Variants in GRIK3 observed in about 807,000 individuals in gnomAD.
GRIK3 encodes glutamate receptor ionotropic, kainate 3.
In GRIK3, 29 loss-of-function variants were observed where a neutral mutation model predicts 102.5. The ratio of observed to expected loss-of-function variants is 0.28; its 90% CI spans 0.21 to 0.39. GRIK3 has a LOEUF of 0.39. Among genes scored for constraint, GRIK3 ranks in the 10% least tolerant of loss-of-function variants. GRIK3 has a pLI of 1.00. For missense variants in GRIK3, 908 were observed against 1,252.4 expected (o/e 0.73, Z 4.15); for synonymous variants, 511 against 504.9 (o/e 1.01, Z -0.16).
chr1:36,975,993 AGGATTTGCTTT>A (rs1642192148), intron 1 of GRIK3, among the ~76,000 whole-genome samples: 1 of 152,270 alleles, frequency 6.6e-6, no homozygotes, highest in African/African-American at 2.4e-5. Flanking sequence ...AAAAGTGAAC[AGGATTTGCTTT>A]AACAGCAAAG....
intron 1 of GRIK3, among the ~76,000 whole-genome samples, chr1:36,956,783 A>G (rs1641917117): frequency 6.6e-6 from 1 of 152,236 alleles, no homozygotes; most frequent in African/African-American, 2.4e-5. Flanking sequence ...GGATGAACAC[A>G]TGGTACTTAC....
intron 5 of GRIK3, among the ~76,000 whole-genome samples, chr1:36,864,726 A>G (rs772852274): frequency 1.5e-4 from 23 of 152,164 alleles, no homozygotes; most frequent in Non-Finnish European, 2.4e-4. Flanking sequence ...GTAACCCCTG[A>G]GCCTGGGCTT....
At chr1:36,828,389 T>C (rs1642779250) in intron 10 of GRIK3, among the ~76,000 whole-genome samples, 1 of 152,212 alleles carries the variant, frequency 6.6e-6, no homozygotes, top group Admixed American at 6.5e-5. Flanking sequence ...TATTCAATAG[T>C]GGTCCCATAA....
chr1:36,927,873 G>A lies in GRIK3; in HGVS notation c.116-36777C>T, dbSNP rs115748482. On this transcript the variant is annotated intron_variant, in intron 1 of 15. Transcript: ENST00000373091. ...AGATAATTGGAGACCCGGAGCCCCG[G>A]CTTGCCCTGTGGTTCCTGATTTCAC... Among the ~76,000 whole-genome samples the A allele has an allele frequency of 4.8e-3, 726 of 152,192 alleles. 6 individuals carry two copies. The highest frequency in any genetic ancestry group is 0.017 in the African/African-American group (691 of 41,514).
rs917011052 is a variant in GRIK3 at position 36,819,346 on chromosome 1, T to A, written c.1873+390A>T. ...GCAGTGGCCTCCCACCCAGACTCCCTGCCTCTGGTCTCCTTCCATCCACAG... is the reference window on the plus strand; with the variant it reads ...GCAGTGGCCTCCCACCCAGACTCCCAGCCTCTGGTCTCCTTCCATCCACAG... On this transcript the variant is annotated intron_variant, in intron 12 of 15. Transcript: ENST00000373091. This position sits in a 1 kb window ranked among gnomAD's most constrained non-coding sequence, Gnocchi z 4.1. Among the ~76,000 whole-genome samples the A allele has an allele frequency of 2.0e-5, 3 of 152,150 alleles. No homozygotes were observed. Among genetic ancestry groups the A allele is most frequent in the African/African-American group, 7.2e-5 (3 of 41,452 alleles).
At chr1:37,030,753 G>A (rs974456408) in intron 1 of GRIK3, among the ~76,000 whole-genome samples, 3 of 151,992 alleles carry the variant, frequency 2.0e-5, no homozygotes, top group African/African-American at 2.4e-5. Context: ...ATAACATGAG[G>A]AGAGAACTAA....
At chr1:37,030,302 C>T (rs760245507) in intron 1 of GRIK3, among the ~76,000 whole-genome samples, 8 of 152,170 alleles carry the variant, frequency 5.3e-5, no homozygotes, top group Non-Finnish European at 7.3e-5. Context: ...TTATACACAG[C>T]GGCTCCCAAA....
At chr1:36,932,140 C>A (rs1001084127) in intron 1 of GRIK3, among the ~76,000 whole-genome samples, 1 of 152,142 alleles carries the variant, frequency 6.6e-6, no homozygotes, top group East Asian at 1.9e-4. Flanking sequence ...TTTCTCCTTC[C>A]TTCTCTAGGG....
At chr1:36,972,856 G>T (rs151241339) in intron 1 of GRIK3, among the ~76,000 whole-genome samples, 3 of 152,180 alleles carry the variant, frequency 2.0e-5, no homozygotes, top group African/African-American at 7.2e-5. Flanking sequence ...TAGACTAGGG[G>T]CCAAAGGATG....
At chr1:36,813,027 A>G (rs1450986043) in intron 13 of GRIK3, among the ~76,000 whole-genome samples, 1 of 152,242 alleles carries the variant, frequency 6.6e-6, no homozygotes, top group Non-Finnish European at 1.5e-5. Flanking sequence ...GTATGTGGTC[A>G]ACTGACTGTG....
At chr1:36,811,820 C>G (rs1364668633) in intron 13 of GRIK3, among the ~76,000 whole-genome samples, 1 of 152,190 alleles carries the variant, frequency 6.6e-6, no homozygotes, top group African/African-American at 2.4e-5. Flanking sequence ...TACAGGAGCT[C>G]ACCGAACCCT....
chr1:36,920,185 C>A (rs778160103), intron 1 of GRIK3, among the ~76,000 whole-genome samples: 1 of 152,228 alleles, frequency 6.6e-6, no homozygotes, highest in Non-Finnish European at 1.5e-5. Context: ...TCTAATGCCT[C>A]TTCTCTAGAG....
chr1:36,898,244 T>C (rs1479250596), intron 1 of GRIK3, among the ~76,000 whole-genome samples: 1 of 152,128 alleles, frequency 6.6e-6, no homozygotes, highest in Non-Finnish European at 1.5e-5. Flanking sequence ...CTATAATCAA[T>C]AATAATTTAA....
intron 10 of GRIK3, among the ~76,000 whole-genome samples, chr1:36,836,781 C>T (rs565426971): frequency 2.6e-5 from 4 of 152,146 alleles, no homozygotes; most frequent in South Asian, 2.1e-4. Context: ...TATGCATCCC[C>T]GTTAGCCTCC....
intron 1 of GRIK3, among the ~76,000 whole-genome samples, chr1:36,954,594 G>T (rs1641882263): frequency 6.6e-6 from 1 of 152,192 alleles, no homozygotes; most frequent in South Asian, 2.1e-4. Flanking sequence ...AGCAGCAGGA[G>T]CACAGGTAGC....
rs1040766075 is a variant in GRIK3 at position 36,797,492 on chromosome 1, C to A, written c.*4359G>T. On this transcript the variant is annotated 3_prime_UTR_variant, in exon 16 of 16. Coordinates refer to ENST00000373091, the MANE Select transcript of GRIK3 (RefSeq NM_000831.4). ...ACGGCCCTTCCATGGCAGCCAGCAG[C>A]CGGGCCACTTCCAGATGTGTCCACT... 6 of 152,134 alleles carry A rather than the reference C, an allele frequency of 3.9e-5. No individual in the cohort carries two copies. The highest frequency in any genetic ancestry group is 8.8e-5 in the Non-Finnish European group (6 of 68,016). 9.4% of individuals were successfully genotyped at this position (152,134 alleles called of 1,614,324 possible). A position where few individuals can be genotyped will look rare whatever the true frequency, so the allele number is the denominator to read the frequency against.
At position 36,836,324 on chromosome 1, in the gene GRIK3, G is replaced by T. The variant is rs139548000; in HGVS notation, c.1530+5412C>A. Among the ~76,000 whole-genome samples the T allele has an allele frequency of 2.1e-3, 317 of 152,330 alleles. 1 individual carries two copies. Among genetic ancestry groups the T allele is most frequent in the African/African-American group, 7.1e-3 (296 of 41,570 alleles). On this transcript the variant is annotated intron_variant, in intron 10 of 15. Transcript: ENST00000373091. ...CATGGCTGGGAAGCCAGCTAGTCACGACCCCACAACAACCATGCCTCTGGG... is the reference window on the plus strand; with the variant it reads ...CATGGCTGGGAAGCCAGCTAGTCACTACCCCACAACAACCATGCCTCTGGG...
At chr1:36,816,742 C>T (rs1053907830) in intron 13 of GRIK3, among the ~76,000 whole-genome samples, 11 of 152,186 alleles carry the variant, frequency 7.2e-5, no homozygotes, top group African/African-American at 2.4e-4. Flanking sequence ...GTCTGGGTGG[C>T]TCTTCCCCTC....
intron 1 of GRIK3, among the ~76,000 whole-genome samples, chr1:36,942,554 G>A (rs1483635099): frequency 6.6e-6 from 1 of 152,134 alleles, no homozygotes; most frequent in Admixed American, 6.5e-5. Context: ...GGGGAACTGG[G>A]AAGTCAAGGG....
Sources: allele counts gnomAD v4.1 joint callset (sites outside exome capture counted in the v4.1 genomes callset), GRCh38; gene constraint gnomAD v4.1.1; non-coding constraint Gnocchi (gnomAD v3.1); transcripts MANE v1.5; gene names NCBI Gene and HGNC (gene_info 2026-07-23, HGNC 2026-07-21).